The following PHACTR3 variants were observed in gnomAD, a reference collection of about 807,000 sequenced individuals.
The protein encoded by PHACTR3 is phosphatase and actin regulator 3, also known as protein phosphatase 1, regulatory subunit 123.
In PHACTR3, 16 loss-of-function variants were observed where a neutral mutation model predicts 66.8. That is an observed-to-expected ratio of 0.24 (90% CI 0.16 to 0.36). PHACTR3 has a LOEUF of 0.36. PHACTR3 is among the 10% of genes least tolerant of loss of function. The probability of loss-of-function intolerance (pLI) is 1.00; values close to 1 mark genes in which losing one functional copy is unlikely to be tolerated. For missense variants in PHACTR3, 647 were observed against 719.9 expected, an observed-to-expected ratio of 0.90 and a Z score of 1.16; for synonymous variants, 323 against 292.1, an observed-to-expected ratio of 1.11 and a Z score of -1.08.
chr20:59,829,512 G>A lies in PHACTR3; in HGVS notation c.1329-6993G>A, dbSNP rs1175310013. Among the ~76,000 whole-genome samples the A allele has an allele frequency of 3.9e-5, 6 of 152,228 alleles. No individual in the cohort carries two copies. The highest frequency in any genetic ancestry group is 4.1e-4 in the South Asian group (2 of 4,832). On this transcript the variant is annotated intron_variant, in intron 8 of 12. Coordinates refer to ENST00000371015, the MANE Select transcript of PHACTR3 (RefSeq NM_080672.5). The surrounding 1 kb of genome is among the most constrained non-coding windows in gnomAD (Gnocchi z 4.2). ...TCATCCGTGCACCCAGATGGTGTGC[G>A]CCTGGGGGCAAGCAGACGAGACATC...
intron 1 of PHACTR3, among the ~76,000 whole-genome samples, chr20:59,635,050 G>A (rs1238866569): frequency 2.0e-5 from 3 of 151,606 alleles, no homozygotes; most frequent in African/African-American, 4.9e-5. Context: ...AAGGGAGAAG[G>A]CTGCTCCTTG....
rs74952620 is a variant in PHACTR3, at chr20:59,653,191, T to C, written c.118+48059T>C. 1.2e-4 allele frequency among the ~76,000 whole-genome samples: 19 copies of C among 152,136 alleles called. No homozygotes were observed. In the East Asian group the frequency reaches 3.5e-3, roughly 28 times the overall value. ...TAGCTTAACCCGAGAAAGTAATTTT[T>C]TTTTTTTTTTTGAGATGGAGTCTTG... On this transcript the variant is annotated intron_variant, in intron 1 of 12. Coordinates refer to ENST00000371015, the MANE Select transcript of PHACTR3 (RefSeq NM_080672.5).
At chr20:59,778,949 C>T (rs931801976) in intron 7 of PHACTR3, among the ~76,000 whole-genome samples, 3 of 152,198 alleles carry the variant, frequency 2.0e-5, no homozygotes, top group East Asian at 1.9e-4. Context: ...CTGTCGTGAA[C>T]GTGGCCCAGG....
At chr20:59,828,691 C>T (rs1401017341) in intron 8 of PHACTR3, among the ~76,000 whole-genome samples, 1 of 151,966 alleles carries the variant, frequency 6.6e-6, no homozygotes. Context: ...GGGGCCATCA[C>T]CCGGCATGGA....
chr20:59,712,482 G>T (rs1294971130), intron 1 of PHACTR3, among the ~76,000 whole-genome samples: 3 of 151,914 alleles, frequency 2.0e-5, no homozygotes, highest in Non-Finnish European at 4.4e-5. Context: ...TTATACTGTG[G>T]TCCCCTCCCA....
intron 1 of PHACTR3, among the ~76,000 whole-genome samples, chr20:59,632,768 A>G (rs906586403): frequency 1.4e-4 from 21 of 152,226 alleles, no homozygotes; most frequent in Admixed American, 1.4e-3. Context: ...GAAAGTGCCC[A>G]GGCTGGAATG....
chr20:59,729,471 A>G (rs1394025231), intron 1 of PHACTR3, among the ~76,000 whole-genome samples: 1 of 152,160 alleles, frequency 6.6e-6, no homozygotes, highest in Non-Finnish European at 1.5e-5. Flanking sequence ...ACTGGAGACC[A>G]GAGACACCTT....
chr20:59,792,894 A>T (rs1045161986), intron 7 of PHACTR3, among the ~76,000 whole-genome samples: 1 of 151,654 alleles, frequency 6.6e-6, no homozygotes, highest in African/African-American at 2.4e-5. Context: ...ATTTTATTTT[A>T]TTTTTTTAGA....
At chr20:59,692,746 T>G (rs982282804) in intron 1 of PHACTR3, among the ~76,000 whole-genome samples, 15 of 152,192 alleles carry the variant, frequency 9.9e-5, no homozygotes, top group African/African-American at 3.6e-4. Flanking sequence ...GAGCCTTGGT[T>G]AAAATATCAG....
chr20:59,727,374 T>A (rs2038605479), intron 1 of PHACTR3, among the ~76,000 whole-genome samples: 1 of 152,120 alleles, frequency 6.6e-6, no homozygotes, highest in Non-Finnish European at 1.5e-5. Context: ...TTGCTTTAGG[T>A]CATACTTTCT....
chr20:59,636,520 G>A lies in PHACTR3; in HGVS notation c.118+31388G>A, dbSNP rs563312995. 3.9e-5 allele frequency among the ~76,000 whole-genome samples: 6 copies of A among 152,290 alleles called. No individual in the cohort carries two copies. The East Asian group carries it at 1.2e-3, about 29-fold the overall frequency. ...CTGGTCAGCACACCATGGGAGGCAT[G>A]GGGAGGGGAAGGGGTGTGGGAGATG... On this transcript the variant is annotated intron_variant, in intron 1 of 12. Coordinates refer to ENST00000371015, the MANE Select transcript of PHACTR3 (RefSeq NM_080672.5).
chr20:59,791,276 GC>G (rs1428716512), intron 7 of PHACTR3, among the ~76,000 whole-genome samples: 2 of 152,060 alleles, frequency 1.3e-5, no homozygotes, highest in Non-Finnish European at 2.9e-5. Flanking sequence ...TAACAAGAAG[GC>G]CCCTTGTTAT....
chr20:59,846,662 GTAT>G (rs2059153362), intron 12 of PHACTR3, among the ~76,000 whole-genome samples: 2 of 152,004 alleles, frequency 1.3e-5, no homozygotes, highest in Non-Finnish European at 2.9e-5. Context: ...TTAAAATGTG[GTAT>G]AAAGACCCTA....
At chr20:59,679,908 T>G (rs1390131714) in intron 1 of PHACTR3, among the ~76,000 whole-genome samples, 1 of 152,178 alleles carries the variant, frequency 6.6e-6, no homozygotes, top group African/African-American at 2.4e-5. Flanking sequence ...GGAGCTACAA[T>G]TCAAGAAGAG....
chr20:59,809,396 C>T (rs6027132), intron 8 of PHACTR3, among the ~76,000 whole-genome samples: 79,337 of 151,954 alleles, frequency 0.52, 22,206 homozygotes, highest in Non-Finnish European at 0.62. Flanking sequence ...AGTGATGGGA[C>T]GTGTGTTCCT....
chr20:59,831,178 C>T (rs543677523), intron 8 of PHACTR3, among the ~76,000 whole-genome samples: 2 of 152,252 alleles, frequency 1.3e-5, no homozygotes, highest in East Asian at 1.9e-4. Flanking sequence ...CCCCCTTGGC[C>T]CCCAGAAATG....
At chr20:59,721,435 C>G (rs2038292960) in intron 1 of PHACTR3, 1 of 152,418 alleles carries the variant, frequency 6.6e-6, no homozygotes, top group African/African-American at 2.4e-5. Flanking sequence ...ACTCCCAGCT[C>G]TGGGTGAGAC....
intron 8 of PHACTR3, among the ~76,000 whole-genome samples, chr20:59,826,803 C>T (rs2042205037): frequency 6.6e-6 from 1 of 152,224 alleles, no homozygotes; most frequent in Non-Finnish European, 1.5e-5. Context: ...CTTCCTCACT[C>T]CACTTTCCTC....
At chr20:59,651,376 C>G (rs1455856816) in intron 1 of PHACTR3, among the ~76,000 whole-genome samples, 1 of 152,150 alleles carries the variant, frequency 6.6e-6, no homozygotes, top group African/African-American at 2.4e-5. Flanking sequence ...GCCAAAATGG[C>G]CTGCCAGTGT....
Sources: allele counts gnomAD v4.1 joint callset (sites outside exome capture counted in the v4.1 genomes callset), GRCh38; gene constraint gnomAD v4.1.1; non-coding constraint Gnocchi (gnomAD v3.1); transcripts MANE v1.5; gene names NCBI Gene and HGNC (gene_info 2026-07-23, HGNC 2026-07-21).